CHST6: variants seen among roughly 807,000 people sequenced by gnomAD.
CHST6 encodes the protein carbohydrate sulfotransferase 6, also known as N-acetylglucosamine 6-O-sulfotransferase 5.
For missense variants in CHST6, 698 were observed against 586.2 expected (o/e 1.19, Z -1.97); for synonymous variants, 309 against 276.4 (o/e 1.12, Z -1.17).
rs2080249811 is a variant in CHST6, at chr16:75,491,180, AAAAAAAAAAAATATATATATAT to A, written c.-92+3738_-92+3759del. ...AACTCCGTCTTAAAAAAAAAAAAAA[AAAAAAAAAAAATATATATATAT>A]ATATATATATATATATAAAATATAA... On this transcript the variant is annotated intron_variant, in intron 1 of 2. Coordinates refer to ENST00000332272, the MANE Select transcript of CHST6 (RefSeq NM_021615.5). Among the ~76,000 whole-genome samples, 6 of 81,680 alleles carry A rather than the reference AAAAAAAAAAAATATATATATAT, an allele frequency of 7.3e-5. No homozygotes were observed. The South Asian group carries it at 2.9e-3, about 39-fold the overall frequency. The allele number at this position is 81,680 out of a possible 152,430, so 53.6% of individuals were successfully genotyped here. A position where few individuals can be genotyped will look rare whatever the true frequency, so the allele number is the denominator to read the frequency against.
Position 75,479,685 on chromosome 16 carries a change from C to A in CHST6, c.144G>T (p.Ser48=). Residue 48 remains serine, a synonymous_variant, in exon 3 of 3, where the codon TCG becomes TCT. Transcript: ENST00000332272. The stretch of plus-strand genomic sequence containing the variant: ...CCACGAAGGACGAGCCCGAGCGCCA[C>A]GAGGACAGCACCAGCACATGCACGC... ...EARVHVLVLS[S]WRSGSSFVGQ... 2 of 1,612,308 alleles carry A rather than the reference C, an allele frequency of 1.2e-6. No individual in the cohort carries two copies. Among genetic ancestry groups the A allele is most frequent in the South Asian group, 2.2e-5 (2 of 90,982 alleles).
At chr16:75,486,467 G>T (rs1034199490) in intron 1 of CHST6, among the ~76,000 whole-genome samples, 1 of 152,180 alleles carries the variant, frequency 6.6e-6, no homozygotes, top group Non-Finnish European at 1.5e-5. Context: ...CGGCTCCTAA[G>T]GGTCATGTGT....
chr16:75,488,825 T>C (rs934444095), intron 1 of CHST6, among the ~76,000 whole-genome samples: 1 of 151,096 alleles, frequency 6.6e-6, no homozygotes, highest in Non-Finnish European at 1.5e-5. Context: ...AGGTGGAGGT[T>C]GCAGTGAGCC....
chr16:75,479,438 A>G lies in CHST6; in HGVS notation c.391T>C (p.Ser131Pro). ...GGAAAGGCACTGCAGGCGGGTGGCG[A>G]GCACAGTGCACGGCTCACGGCCCAC... ...FQWAVSRALC[S>P]PPACSAFPRG... The change falls in exon 3 of 3, where the codon TCG (serine) becomes CCG (proline). Residue 131 changes from serine (S) to proline (P), a missense_variant. Transcript: ENST00000332272. 1 of 1,612,852 alleles carries G rather than the reference A, an allele frequency of 6.2e-7. No homozygotes were observed.
Position 75,479,335 on chromosome 16 carries a change from C to T in CHST6, c.494G>A (p.Cys165Tyr). ...RQSFTLAREACRSYSHVVLKE... is the reference protein window; with the variant it reads ...RQSFTLAREAYRSYSHVVLKE... ...GAGCACCACGTGGCTGTAGGAGCGG[C>T]AGGCCTCCCGGGCCAGGGTGAAGGA... Residue 165 changes from cysteine to tyrosine, a missense_variant, in exon 3 of 3, where the codon TGC becomes TAC. Physicochemically the swap from Cys to Tyr is radical, Grantham distance 194. Transcript: ENST00000332272. 1 of 1,612,914 alleles carries T rather than the reference C, an allele frequency of 6.2e-7. No individual in the cohort carries two copies. The highest frequency in any genetic ancestry group is 8.5e-7 in the Non-Finnish European group (1 of 1,179,776).
At chr16:75,494,323 G>T (rs781340932) in intron 1 of CHST6, among the ~76,000 whole-genome samples, 1 of 152,122 alleles carries the variant, frequency 6.6e-6, no homozygotes, top group Non-Finnish European at 1.5e-5. Flanking sequence ...CCCAGCTCCC[G>T]GAGCAGCATA....
intron 1 of CHST6, among the ~76,000 whole-genome samples, chr16:75,486,809 T>C (rs566420644): frequency 6.0e-4 from 91 of 152,120 alleles, no homozygotes; most frequent in Admixed American, 8.5e-4. Context: ...GGTGATTAGA[T>C]AGTGACAGTG....
chr16:75,486,797 G>A (rs1370333241), intron 1 of CHST6, among the ~76,000 whole-genome samples: 1 of 152,198 alleles, frequency 6.6e-6, no homozygotes. Flanking sequence ...ACACCCAAGA[G>A]TGGTGATTAG....
chr16:75,492,046 C>G (rs1300928569), intron 1 of CHST6, among the ~76,000 whole-genome samples: 1 of 152,220 alleles, frequency 6.6e-6, no homozygotes. Flanking sequence ...CATGGCATCC[C>G]CCAGAGGCAG....
chr16:75,478,506 C>T lies in CHST6; in HGVS notation c.*135G>A. The T allele has an allele frequency of 1.2e-6, 1 of 851,994 alleles. No individual in the cohort carries two copies. The highest frequency in any genetic ancestry group is 2.0e-6 in the Non-Finnish European group (1 of 512,798). The allele number at this position is 851,994 out of a possible 1,614,324, so 52.8% of individuals were successfully genotyped here. On this transcript the variant is annotated 3_prime_UTR_variant, in exon 3 of 3. Transcript: ENST00000332272. ...AGAGAAAGAAACGTGCAGTCCTTGC[C>T]TACTTGGGGAGGGGGAGGGGTCGTA...
intron 1 of CHST6, among the ~76,000 whole-genome samples, chr16:75,491,190 AATAT>A (rs1555501738): frequency 0.035 from 1,732 of 49,982 alleles, 91 homozygotes; most frequent in African/African-American, 0.047. Flanking sequence ...AAAAAAAAAA[AATAT>A]ATATATATAT....
chr16:75,484,772 A>T (rs923709741), intron 1 of CHST6, among the ~76,000 whole-genome samples: 1 of 152,098 alleles, frequency 6.6e-6, no homozygotes, highest in African/African-American at 2.4e-5. Flanking sequence ...TGAACCCGGG[A>T]GATGGAGGTT....
intron 2 of CHST6, among the ~76,000 whole-genome samples, chr16:75,480,643 T>G (rs1404283775): frequency 6.6e-6 from 1 of 151,636 alleles, no homozygotes. Flanking sequence ...AATAAGCAAA[T>G]AGGCGCTGGG....
intron 1 of CHST6, among the ~76,000 whole-genome samples, chr16:75,493,140 A>G (rs1019115117): frequency 1.3e-5 from 2 of 152,102 alleles, no homozygotes; most frequent in Non-Finnish European, 2.9e-5. Context: ...CACTGAGGTT[A>G]AGAGTGTGAA....
chr16:75,490,233 C>T (rs2080240933), intron 1 of CHST6, among the ~76,000 whole-genome samples: 1 of 146,702 alleles, frequency 6.8e-6, no homozygotes. Flanking sequence ...AATCCCAGCA[C>T]TTTGGGAGGC....
In CHST6 at chr16:75,473,782, AT is replaced by A. The variant is rs2080038975; in HGVS notation, c.*4858del. On this transcript the variant is annotated 3_prime_UTR_variant, in exon 3 of 3. Coordinates refer to ENST00000332272, the MANE Select transcript of CHST6 (RefSeq NM_021615.5). ...CATCCTATCTCTACAAATTTATTGTATTTTTTAAAAATGCTGTGTAAGACAG... is the reference window on the plus strand; with the variant it reads ...CATCCTATCTCTACAAATTTATTGTATTTTTAAAAATGCTGTGTAAGACAG... The A allele has an allele frequency of 6.6e-6, 1 of 152,174 alleles. No homozygotes were observed. Among genetic ancestry groups the A allele is most frequent in the South Asian group, 2.1e-4 (1 of 4,834 alleles). The allele number at this position is 152,174 out of a possible 1,614,324, so 9.4% of individuals were successfully genotyped here.
intron 2 of CHST6, among the ~76,000 whole-genome samples, chr16:75,480,991 A>G (rs913525664): frequency 2.0e-5 from 3 of 148,634 alleles, no homozygotes; most frequent in African/African-American, 7.5e-5. Flanking sequence ...CGAGCCTGGG[A>G]TTCAAGCCTG....
rs764372925 is a variant in CHST6, at chr16:75,478,719, G to T, written c.1110C>A (p.Leu370=). The change falls in exon 3 of 3, where the codon CTC becomes CTA. Residue 370 remains leucine, a synonymous_variant. Coordinates refer to ENST00000332272, the MANE Select transcript of CHST6 (RefSeq NM_021615.5). ...CTCGTGGCAGCACCAGATCAAGGGC[G>T]AGGTTGCGCTGCTCGTCCTCAGAGT... ...PVYSEDEQRN[L]ALDLVLPRGL... The T allele has an allele frequency of 3.7e-6, 6 of 1,613,476 alleles. No homozygotes were observed. In the East Asian group the frequency reaches 1.1e-4, roughly 30 times the overall value.
intron 1 of CHST6, among the ~76,000 whole-genome samples, chr16:75,484,662 C>A (rs906385034): frequency 9.2e-5 from 14 of 152,044 alleles, no homozygotes; most frequent in African/African-American, 3.1e-4. Flanking sequence ...CCAGCCTGAC[C>A]AACATGACAA....
Sources: gnomAD v4.1 joint callset for allele counts (sites outside exome capture counted in the v4.1 genomes callset) on GRCh38, gnomAD v4.1.1 for gene constraint, MANE v1.5 for transcripts, NCBI Gene and HGNC (gene_info 2026-07-23, HGNC 2026-07-21) for gene names.